SMAD4: variants seen among roughly 807,000 people sequenced by gnomAD.
SMAD4 encodes the protein SMAD family member 4.
Under a neutral mutation model 63.2 loss-of-function variants are expected in SMAD4, and 7 were observed. The ratio of observed to expected loss-of-function variants is 0.11; its 90% CI spans 0.06 to 0.21. The LOEUF (loss-of-function observed/expected upper bound fraction) is 0.21. Ranked by LOEUF, SMAD4 falls within the 10% of genes least tolerant of loss-of-function variation. The probability of loss-of-function intolerance (pLI) is 1.00; values close to 1 mark genes in which losing one functional copy is unlikely to be tolerated. For synonymous variants in SMAD4, 215 were observed against 235.4 expected (o/e 0.91, Z 0.79); for missense variants, 312 against 693.8 (o/e 0.45, Z 6.18).
chr18:51,039,613 G>A (rs1909314305), intron 1 of SMAD4, among the ~76,000 whole-genome samples: 1 of 151,590 alleles, frequency 6.6e-6, no homozygotes, highest in African/African-American at 2.4e-5. Context: ...GTTAGTCTGG[G>A]AATTGTCCCA....
At chr18:51,031,633 C>T (rs1057256050) in intron 1 of SMAD4, among the ~76,000 whole-genome samples, 2 of 151,956 alleles carry the variant, frequency 1.3e-5, no homozygotes, top group African/African-American at 4.8e-5. Flanking sequence ...TAACCTTTGA[C>T]TTTTGCCAGA....
rs1328102060 is a variant in SMAD4, at chr18:51,048,772, T to A, written c.336T>A (p.Val112=). The A allele has an allele frequency of 3.1e-6, 5 of 1,613,884 alleles. No homozygotes were observed. Among genetic ancestry groups the A allele is most frequent in the East Asian group, 4.5e-5 (2 of 44,892 alleles). Residue 112 remains valine (V), a synonymous_variant, in exon 3 of 12, where the codon GTT becomes GTA. Transcript: ENST00000342988. The part of the protein sequence containing the change: ...PDLHKNELKH[V]KYCQYAFDLK... The stretch of plus-strand genomic sequence containing the variant: ...TTCACAAAAATGAACTAAAACATGT[T>A]AAATATTGTCAGTATGCGTTTGACT...
chr18:51,043,114 A>C (rs949181753), intron 1 of SMAD4, among the ~76,000 whole-genome samples: 10 of 152,160 alleles, frequency 6.6e-5, no homozygotes, highest in Non-Finnish European at 1.5e-4. Flanking sequence ...GGCATTGTTA[A>C]ATTTTCAAAA....
chr18:51,075,179 G>C (rs1389389215), intron 10 of SMAD4, among the ~76,000 whole-genome samples: 1 of 152,182 alleles, frequency 6.6e-6, no homozygotes, highest in Admixed American at 6.5e-5. Context: ...TAGAGAAATA[G>C]GAGTAAGTAG....
intron 1 of SMAD4, among the ~76,000 whole-genome samples, chr18:51,045,412 A>C (rs1909513483): frequency 6.6e-6 from 1 of 152,226 alleles, no homozygotes; most frequent in African/African-American, 2.4e-5. Context: ...CACAAAGTAC[A>C]GGCTCCAGTC....
chr18:51,038,253 G>T (rs1000404705), intron 1 of SMAD4, among the ~76,000 whole-genome samples: 3 of 144,388 alleles, frequency 2.1e-5, no homozygotes, highest in South Asian at 2.3e-4. Flanking sequence ...CGAGACTGTG[G>T]GGGGGGGGGC....
At chr18:51,034,361 C>T (rs1909141824) in intron 1 of SMAD4, among the ~76,000 whole-genome samples, 1 of 152,064 alleles carries the variant, frequency 6.6e-6, no homozygotes, top group Non-Finnish European at 1.5e-5. Context: ...ATTCCCCTGC[C>T]TCAGCCTCCC....
chr18:51,059,418 C>T (rs1488289308), intron 7 of SMAD4, among the ~76,000 whole-genome samples: 2 of 152,186 alleles, frequency 1.3e-5, no homozygotes, highest in African/African-American at 4.8e-5. Flanking sequence ...AGGTGTTTAG[C>T]ACAGTGTTTT....
rs566346771 is a variant in SMAD4 at position 51,080,063 on chromosome 18, T to C, written c.*1596T>C. On this transcript the variant is annotated 3_prime_UTR_variant, in exon 12 of 12. Coordinates refer to ENST00000342988, the MANE Select transcript of SMAD4 (RefSeq NM_005359.6). The stretch of plus-strand genomic sequence containing the variant: ...TGTCTACAGGATAAATAGTATGAAA[T>C]AAAATCAAGGATTATCTTTCAGATG... The C allele has an allele frequency of 2.2e-5, 5 of 227,126 alleles. No homozygotes were observed. The South Asian group carries it at 9.2e-4, about 42-fold the overall frequency. The allele number at this position is 227,126 out of a possible 1,614,324, so 14.1% of individuals were successfully genotyped here.
chr18:51,046,629 T>A (rs922573714), intron 1 of SMAD4, among the ~76,000 whole-genome samples: 1 of 152,134 alleles, frequency 6.6e-6, no homozygotes, highest in Non-Finnish European at 1.5e-5. Context: ...ACTAGTAAAG[T>A]CAGTAAGACT....
At chr18:51,058,056 C>T in intron 5 of SMAD4, 69 bp from the exon 6 acceptor site, 1 of 1,583,326 alleles carries the variant, frequency 6.3e-7, no homozygotes, top group South Asian at 1.1e-5. Context: ...ATTGGTCCTT[C>T]ATTTAGTATA....
At chr18:51,059,161 C>T (rs546171002) in intron 7 of SMAD4, among the ~76,000 whole-genome samples, 38 of 152,260 alleles carry the variant, frequency 2.5e-4, no homozygotes, top group African/African-American at 8.9e-4. Flanking sequence ...GACAGGGGCT[C>T]CTACTCTATG....
At position 51,078,197 on chromosome 18, in the gene SMAD4, A is replaced by G. The variant is rs1910516354; in HGVS notation, c.1448-59A>G. ...TGGTCACTTGATTAATTTAGAATGT[A>G]GGGAGGATGGGAAGAGATCACCCTG... On this transcript the variant is annotated intron_variant, in intron 11 of 11. Transcript: ENST00000342988. 8.3e-6 allele frequency: 11 copies of G among 1,332,820 alleles called. No homozygotes were observed. In the Admixed American group the frequency reaches 1.9e-4, roughly 22 times the overall value. 82.6% of individuals were successfully genotyped at this position (1,332,820 alleles called of 1,614,324 possible).
In SMAD4 at chr18:51,082,678, G is replaced by T; in HGVS notation, c.*4211G>T. ...ACTTCAGGGGCTTCTAAAACAGACA[G>T]GACTGTGTTGCCTTTACTAAATGGT... On this transcript the variant is annotated 3_prime_UTR_variant, in exon 12 of 12. Coordinates refer to ENST00000342988, the MANE Select transcript of SMAD4 (RefSeq NM_005359.6). The T allele has an allele frequency of 4.3e-6, 1 of 231,214 alleles. No individual in the cohort carries two copies. Among genetic ancestry groups the T allele is most frequent in the Non-Finnish European group, 8.5e-6 (1 of 117,174 alleles). 14.3% of individuals were successfully genotyped at this position (231,214 alleles called of 1,614,324 possible). A position where few individuals can be genotyped will look rare whatever the true frequency, so the allele number is the denominator to read the frequency against.
chr18:51,042,137 G>A (rs1299861438), intron 1 of SMAD4, among the ~76,000 whole-genome samples: 7 of 152,098 alleles, frequency 4.6e-5, no homozygotes, highest in Non-Finnish European at 8.8e-5. Context: ...GAGAGACAGC[G>A]AATAATTATC....
intron 5 of SMAD4, among the ~76,000 whole-genome samples, chr18:51,057,590 A>G (rs1041923040): frequency 6.6e-6 from 1 of 152,236 alleles, no homozygotes; most frequent in Non-Finnish European, 1.5e-5. Flanking sequence ...GCAGAGCTAG[A>G]TCTTTTTAAC....
intron 8 of SMAD4, among the ~76,000 whole-genome samples, chr18:51,062,713 G>A (rs1266634358): frequency 1.3e-5 from 2 of 150,726 alleles, no homozygotes; most frequent in African/African-American, 4.9e-5. Flanking sequence ...TATCCAGGCT[G>A]GTCTTGAACT....
At chr18:51,072,947 A>G (rs1910355709) in intron 10 of SMAD4, among the ~76,000 whole-genome samples, 1 of 152,212 alleles carries the variant, frequency 6.6e-6, no homozygotes, top group Non-Finnish European at 1.5e-5. Flanking sequence ...GGTATCCGTT[A>G]TCAATGGATT....
intron 4 of SMAD4, among the ~76,000 whole-genome samples, chr18:51,051,850 A>G (rs1409530358): frequency 6.6e-6 from 1 of 151,736 alleles, no homozygotes; most frequent in East Asian, 1.9e-4. Context: ...CTTGTTGCCC[A>G]GGCTGGAGTA....
Sources: allele counts gnomAD v4.1 joint callset (sites outside exome capture counted in the v4.1 genomes callset), GRCh38; gene constraint gnomAD v4.1.1; transcripts MANE v1.5; gene names NCBI Gene and HGNC (gene_info 2026-07-23, HGNC 2026-07-21).